Variants in GPM6A observed in about 807,000 individuals in gnomAD.
GPM6A encodes the protein neuronal membrane glycoprotein M6-a.
A neutral mutation model predicts 32.1 loss-of-function variants in GPM6A; 7 were observed. The observed-to-expected ratio is 0.22, with a 90% CI of 0.12 to 0.41. GPM6A has a LOEUF of 0.41. Among genes scored for constraint, GPM6A ranks in the 10% least tolerant of loss-of-function variants. The probability of loss-of-function intolerance (pLI) is 1.00; values close to 1 mark genes in which losing one functional copy is unlikely to be tolerated. For synonymous variants in GPM6A, 130 were observed against 123.4 expected (o/e 1.05, Z -0.35); for missense variants, 235 against 347.2 (o/e 0.68, Z 2.57).
At chr4:175,827,370 T>C (rs1435898047) in intron 1 of GPM6A, among the ~76,000 whole-genome samples, 5 of 152,194 alleles carry the variant, frequency 3.3e-5, no homozygotes, top group African/African-American at 4.8e-5. Flanking sequence ...CTTTAATTCA[T>C]TAATCTTCAA....
intron 1 of GPM6A, among the ~76,000 whole-genome samples, chr4:175,794,819 T>C (rs1051892011): frequency 7.8e-6 from 1 of 128,862 alleles, no homozygotes; most frequent in Non-Finnish European, 1.6e-5. Flanking sequence ...GTAGTAGGCC[T>C]AGAAACTTTG....
chr4:175,977,137 AAAAGAC>A (rs1740686420), intron 1 of GPM6A, among the ~76,000 whole-genome samples: 1 of 152,208 alleles, frequency 6.6e-6, no homozygotes, highest in Admixed American at 6.5e-5. Context: ...ACTGGTCTCC[AAAAGAC>A]AACATATCTG....
intron 6 of GPM6A, among the ~76,000 whole-genome samples, chr4:175,635,637 CA>C (rs1740534616): frequency 1.3e-5 from 2 of 152,066 alleles, no homozygotes; most frequent in Non-Finnish European, 1.5e-5. Flanking sequence ...TATACATTCA[CA>C]AAAACTGGAA....
intron 1 of GPM6A, among the ~76,000 whole-genome samples, chr4:175,847,501 A>G (rs1275292686): frequency 3.3e-5 from 5 of 151,852 alleles, no homozygotes; most frequent in Non-Finnish European, 7.4e-5. Flanking sequence ...GCTGCCCACC[A>G]CTCAGTCACT....
In GPM6A at chr4:175,777,347, TTTA is replaced by T. The variant is rs1209728376; in HGVS notation, c.37+34841_37+34843del. Among the ~76,000 whole-genome samples the T allele has an allele frequency of 5.3e-5, 8 of 152,198 alleles. No homozygotes were observed. The East Asian group carries it at 1.5e-3, about 29-fold the overall frequency. ...TGGCACACCTGTTTATTATTATCTA[TTTA>T]TTATTATTATAATACAGAGTAGACA... is the stretch of plus-strand genomic sequence containing the variant. On this transcript the variant is annotated intron_variant, in intron 1 of 6. Coordinates refer to ENST00000393658, the MANE Select transcript of GPM6A (RefSeq NM_201591.3).
intron 4 of GPM6A, among the ~76,000 whole-genome samples, chr4:175,642,951 C>G (rs900743611): frequency 6.6e-6 from 1 of 152,180 alleles, no homozygotes; most frequent in Admixed American, 6.5e-5. Context: ...CTTCTCATAG[C>G]CTTTCCTATC....
chr4:175,757,898 G>T (rs1005066009), intron 1 of GPM6A, among the ~76,000 whole-genome samples: 1 of 152,134 alleles, frequency 6.6e-6, no homozygotes, highest in Non-Finnish European at 1.5e-5. Flanking sequence ...GAACAGATTA[G>T]CCAAGAAATG....
intron 1 of GPM6A, chr4:175,787,195 A>C: frequency 6.3e-6 from 4 of 638,138 alleles, no homozygotes; most frequent in Non-Finnish European, 1.1e-5. Flanking sequence ...TTTTCATTGG[A>C]TGTGACATGC....
intron 1 of GPM6A, among the ~76,000 whole-genome samples, chr4:175,739,963 CA>C (rs1731812333): frequency 1.3e-5 from 2 of 151,770 alleles, no homozygotes; most frequent in African/African-American, 4.8e-5. Context: ...ATAGAAAATA[CA>C]AAAAACCTTC....
At chr4:175,812,298 GGGGTTTTTTTTTTTTTTTTTTTTTT>G (rs1415239015), upstream of GPM6A, 984 of 174,418 alleles carry the variant, frequency 5.6e-3, 15 homozygotes, top group Admixed American at 6.4e-3. Flanking sequence ...GGAAAAACTG[GGGGTTTTTTTTTTTTTTTTTTTTTT>G]TTTTTTTTTT....
At chr4:175,929,786 G>T (rs1176222746) in intron 1 of GPM6A, among the ~76,000 whole-genome samples, 2 of 152,152 alleles carry the variant, frequency 1.3e-5, no homozygotes, top group Non-Finnish European at 2.9e-5. Flanking sequence ...AGTGGGAGAA[G>T]TATATAAACT....
At chr4:175,892,338 C>T (rs1737673785) in intron 1 of GPM6A, among the ~76,000 whole-genome samples, 1 of 152,120 alleles carries the variant, frequency 6.6e-6, no homozygotes, top group African/African-American at 2.4e-5. Context: ...CCTATCCCTT[C>T]CCTACTTTTT....
chr4:175,803,164 T>TTCATCATCATCA (rs5864348), intron 1 of GPM6A, among the ~76,000 whole-genome samples: 1 of 145,508 alleles, frequency 6.9e-6, no homozygotes, highest in Admixed American at 6.9e-5. Flanking sequence ...CTGTTCTCGT[T>TTCATCATCATCA]TCATCATCAT....
intron 1 of GPM6A, among the ~76,000 whole-genome samples, chr4:175,936,023 C>T (rs1253238158): frequency 1.3e-5 from 2 of 151,056 alleles, no homozygotes; most frequent in African/African-American, 4.8e-5. Context: ...AATTAAAAAA[C>T]GGCCGGGCAC....
chr4:175,748,643 C>T (rs915820985), intron 1 of GPM6A, among the ~76,000 whole-genome samples: 1 of 152,118 alleles, frequency 6.6e-6, no homozygotes, highest in African/African-American at 2.4e-5. Flanking sequence ...CAGCATAATT[C>T]TTCAGGGCCC....
At chr4:175,801,203 A>G (rs1734458163) in intron 1 of GPM6A, among the ~76,000 whole-genome samples, 1 of 152,122 alleles carries the variant, frequency 6.6e-6, no homozygotes, top group African/African-American at 2.4e-5. Context: ...ATGCTGGGTA[A>G]GTTTACTACA....
In GPM6A at chr4:176,001,672, G is replaced by A. The variant is rs79481897; in HGVS notation, c.-23+637C>T. ...GTGTGGACGCCCTTTTAATCACGCT[G>A]TTTACCCAGGTGGAATTTAGGAAGA... is the stretch of plus-strand genomic sequence containing the variant. On this transcript the variant is annotated intron_variant, in intron 1 of 7. Transcript: ENST00000280187. Among the ~76,000 whole-genome samples, 1,078 of 152,232 alleles carry A rather than the reference G, an allele frequency of 7.1e-3. 8 individuals are homozygous for A. Among genetic ancestry groups the A allele is most frequent in the African/African-American group, 0.011 (457 of 41,540 alleles).
At chr4:175,981,884 G>A (rs186188192) in intron 1 of GPM6A, among the ~76,000 whole-genome samples, 135 of 152,012 alleles carry the variant, frequency 8.9e-4, no homozygotes, top group Non-Finnish European at 1.5e-3. Flanking sequence ...TCAGGACTTG[G>A]TATTGTCAGG....
Position 175,802,565 on chromosome 4 carries a change from T to A in GPM6A, c.37+9626A>T, listed in dbSNP as rs143236011. Among the ~76,000 whole-genome samples, 8 of 152,234 alleles carry A rather than the reference T, an allele frequency of 5.3e-5. No homozygotes were observed. In the East Asian group the frequency reaches 1.5e-3, roughly 29 times the overall value. On this transcript the variant is annotated intron_variant, in intron 1 of 6. Transcript: ENST00000393658. ...TACTCATTGCATGCTATTTTTTAAA[T>A]TCATTACCTTGAACATTACTAAACA...
Sources: gnomAD v4.1 joint callset for allele counts (sites outside exome capture counted in the v4.1 genomes callset) on GRCh38, gnomAD v4.1.1 for gene constraint, MANE v1.5 for transcripts, NCBI Gene and HGNC (gene_info 2026-07-23, HGNC 2026-07-21) for gene names.